The following TPRG1 variants were observed in gnomAD, a reference collection of about 807,000 sequenced individuals.
TPRG1 encodes the protein tumor protein p63 regulated 1, also known as tumor protein p63-regulated gene 1 protein.
A neutral mutation model predicts 29.3 loss-of-function variants in TPRG1; 29 were observed. The observed-to-expected ratio is 0.99, with a 90% CI of 0.74 to 1.35. The LOEUF (loss-of-function observed/expected upper bound fraction) is 1.35, where lower values mean the gene tolerates loss of function less well. Ranked by LOEUF, TPRG1 falls within the 40% of genes most tolerant of loss-of-function variation. The pLI is 0.00. For synonymous variants in TPRG1, 130 were observed against 116.8 expected, an observed-to-expected ratio of 1.11 and a Z score of -0.73; for missense variants, 327 against 335.0, an observed-to-expected ratio of 0.98 and a Z score of 0.19.
chr3:189,119,870 G>A (rs1006049858), intron 1 of TPRG1, among the ~76,000 whole-genome samples: 7 of 152,052 alleles, frequency 4.6e-5, no homozygotes, highest in South Asian at 2.1e-4. Context: ...ACTAATACAC[G>A]CAGGTTCCAG....
At chr3:189,121,994 C>A (rs933688241) in intron 1 of TPRG1, 1 of 151,502 alleles carries the variant, frequency 6.6e-6, no homozygotes, top group Non-Finnish European at 1.5e-5. Flanking sequence ...TATTTATATA[C>A]AATTTATGTT....
intron 1 of TPRG1, among the ~76,000 whole-genome samples, chr3:189,203,758 T>C (rs1373451881): frequency 6.6e-6 from 1 of 152,146 alleles, no homozygotes; most frequent in East Asian, 1.9e-4. Context: ...AGTATGAACA[T>C]TGGCTGGGCA....
intron 5 of TPRG1, among the ~76,000 whole-genome samples, chr3:189,317,155 G>A (rs943625499): frequency 5.9e-5 from 9 of 152,164 alleles, no homozygotes; most frequent in Admixed American, 2.6e-4. Flanking sequence ...GAAGCATTCA[G>A]TAATCCAACT....
chr3:189,225,080 C>T (rs544143603), intron 3 of TPRG1, among the ~76,000 whole-genome samples: 11 of 152,028 alleles, frequency 7.2e-5, no homozygotes, highest in South Asian at 4.1e-4. Flanking sequence ...TACAGGCGCC[C>T]GCCACCACGC....
intron 4 of TPRG1, among the ~76,000 whole-genome samples, chr3:189,060,397 C>G (rs1015739366): frequency 1.7e-4 from 26 of 152,258 alleles, no homozygotes; most frequent in African/African-American, 6.3e-4. Flanking sequence ...CAAGTATGCC[C>G]TCTCTCACCA....
At chr3:189,046,219 G>A (rs1714970326) in intron 4 of TPRG1, among the ~76,000 whole-genome samples, 1 of 152,170 alleles carries the variant, frequency 6.6e-6, no homozygotes, top group African/African-American at 2.4e-5. Flanking sequence ...GTCAATGACA[G>A]CAGGATTTAA....
chr3:189,280,577 A>AAAC (rs60265708), intron 4 of TPRG1, among the ~76,000 whole-genome samples: 7,766 of 152,154 alleles, frequency 0.051, 422 homozygotes, highest in African/African-American at 0.14. Flanking sequence ...ACATGCACCT[A>AAAC]AACAGGACCA....
intron 4 of TPRG1, among the ~76,000 whole-genome samples, chr3:189,035,510 GGA>G (rs1367535243): frequency 6.6e-6 from 1 of 152,042 alleles, no homozygotes; most frequent in African/African-American, 2.4e-5. Context: ...ATACAGAATG[GGA>G]GAAAATATTG....
Position 189,138,405 on chromosome 3 carries a change from C to T in TPRG1, c.-291+5708C>T, listed in dbSNP as rs181701710. ...TACATTAACAACCAACCAACAAATA[C>T]CAGCGGATTAAGAGAGCAGACTTTC... On this transcript the variant is annotated intron_variant, in intron 3 of 6. Coordinates refer to the TPRG1 transcript ENST00000412373. 1.2e-4 allele frequency among the ~76,000 whole-genome samples: 18 copies of T among 151,688 alleles called. No individual in the cohort carries two copies. In the East Asian group the frequency reaches 3.1e-3, roughly 26 times the overall value.
At chr3:189,066,140 T>C (rs886762237) in intron 4 of TPRG1, among the ~76,000 whole-genome samples, 1 of 152,076 alleles carries the variant, frequency 6.6e-6, no homozygotes, top group African/African-American at 2.4e-5. Context: ...AAAACCTGAA[T>C]AGATGAATAA....
At chr3:189,224,500 A>C (rs377748826) in intron 3 of TPRG1, among the ~76,000 whole-genome samples, 7 of 152,290 alleles carry the variant, frequency 4.6e-5, no homozygotes, top group East Asian at 3.9e-4. Flanking sequence ...ACAACAACAA[A>C]AAAACAAAAA....
chr3:189,218,027 G>A (rs1010482920), intron 3 of TPRG1: 1 of 985,210 alleles, frequency 1.0e-6, no homozygotes, highest in South Asian at 4.7e-5. Flanking sequence ...ATTACTCCTG[G>A]CTTCTTGCTT....
At chr3:189,205,693 A>G (rs1235390965) in intron 1 of TPRG1, among the ~76,000 whole-genome samples, 1 of 152,240 alleles carries the variant, frequency 6.6e-6, no homozygotes, top group Non-Finnish European at 1.5e-5. Flanking sequence ...CTTTCTAGGT[A>G]GCATTGATAA....
intron 4 of TPRG1, among the ~76,000 whole-genome samples, chr3:189,250,663 G>C (rs1742091903): frequency 6.6e-6 from 1 of 150,704 alleles, no homozygotes; most frequent in South Asian, 2.1e-4. Context: ...AAAAGAGTAG[G>C]AGGCAAGGAA....
intron 3 of TPRG1, 69 bp downstream of exon 3, chr3:189,215,452 T>G: frequency 8.0e-7 from 1 of 1,249,306 alleles, no homozygotes; most frequent in Non-Finnish European, 1.2e-6. Context: ...TGTAGCAGAA[T>G]AGGAGATGGA....
intron 4 of TPRG1, among the ~76,000 whole-genome samples, chr3:189,066,053 C>T (rs551319253): frequency 6.6e-6 from 1 of 152,196 alleles, no homozygotes; most frequent in Admixed American, 6.5e-5. Flanking sequence ...CAACTATATG[C>T]CAATAAATTG....
chr3:189,080,693 GA>G, intron 4 of TPRG1, among the ~76,000 whole-genome samples: 1 of 152,092 alleles, frequency 6.6e-6, no homozygotes, highest in Non-Finnish European at 1.5e-5. Context: ...AGGCATTTGG[GA>G]AAATGGGACC....
At chr3:189,143,493 ATGCATATT>A (rs2036999022) in intron 3 of TPRG1, among the ~76,000 whole-genome samples, 1 of 152,220 alleles carries the variant, frequency 6.6e-6, no homozygotes, top group African/African-American at 2.4e-5. Flanking sequence ...TGGAAGCTGG[ATGCATATT>A]TGTATGGCTC....
intron 4 of TPRG1, among the ~76,000 whole-genome samples, chr3:189,031,109 C>T (rs775586644): frequency 5.3e-5 from 8 of 152,006 alleles, no homozygotes; most frequent in African/African-American, 1.4e-4. Context: ...GGAGAAACCC[C>T]GTCTCTACTA....
Sources: gnomAD v4.1 joint callset for allele counts (sites outside exome capture counted in the v4.1 genomes callset) on GRCh38, gnomAD v4.1.1 for gene constraint, MANE v1.5 for transcripts, NCBI Gene and HGNC (gene_info 2026-07-23, HGNC 2026-07-21) for gene names.